DACH2: variants seen among roughly 807,000 people sequenced by gnomAD.
DACH2 encodes dachshund homolog 2.
In DACH2, 17 loss-of-function variants were observed where a neutral mutation model predicts 35.8. The ratio of observed to expected loss-of-function variants is 0.48; its 90% confidence interval spans 0.33 to 0.71. DACH2 has a LOEUF of 0.71. Ranked by LOEUF, DACH2 falls within the 30% of genes least tolerant of loss-of-function variation. The pLI, the probability that DACH2 is intolerant of heterozygous loss-of-function variation, is 0.02. For synonymous variants in DACH2, 195 were observed against 177.3 expected (o/e 1.10, Z -0.79); for missense variants, 469 against 472.7 (o/e 0.99, Z 0.07).
At chrX:86,456,365 T>G (rs1340679530) in intron 2 of DACH2, among the ~76,000 whole-genome samples, 2 of 112,031 alleles carry the variant, frequency 1.8e-5, no homozygotes, top group African/African-American at 6.5e-5. Context: ...TAATTTTTAA[T>G]TATTCTTTAG....
At chrX:86,207,624 G>C (rs1229817429) in intron 1 of DACH2, among the ~76,000 whole-genome samples, 1 of 111,208 alleles carries the variant, frequency 9.0e-6, no homozygotes, top group Admixed American at 9.6e-5. Context: ...TCTGACAGAA[G>C]ACAGTAATGA....
chrX:86,582,202 C>T (rs186166663), intron 3 of DACH2, among the ~76,000 whole-genome samples: 132 of 110,869 alleles, frequency 1.2e-3, no homozygotes, highest in African/African-American at 4.0e-3. Flanking sequence ...GAAATAGCTA[C>T]AGGAGTGTTA....
At chrX:86,628,974 T>G (rs1462136878) in intron 3 of DACH2, among the ~76,000 whole-genome samples, 1 of 112,487 alleles carries the variant, frequency 8.9e-6, no homozygotes, top group Non-Finnish European at 1.9e-5. Flanking sequence ...AAGTTAGCAC[T>G]ACAATTTAAT....
chrX:86,173,335 T>C (rs754500779), intron 1 of DACH2, among the ~76,000 whole-genome samples: 25 of 111,511 alleles, frequency 2.2e-4, no homozygotes, highest in Non-Finnish European at 4.0e-4. Flanking sequence ...CATACCAAAG[T>C]AGGAAATTAT....
intron 7 of DACH2, among the ~76,000 whole-genome samples, chrX:86,757,367 AGGCTAATGCT>A (rs2041839448): frequency 9.0e-6 from 1 of 111,623 alleles, no homozygotes; most frequent in African/African-American, 3.3e-5. Flanking sequence ...TTTTGGTATC[AGGCTAATGCT>A]GGCTTTGTAG....
intron 1 of DACH2, among the ~76,000 whole-genome samples, chrX:86,284,643 C>T (rs1399887450): frequency 2.5e-5 from 2 of 78,437 alleles, no homozygotes; most frequent in East Asian, 7.7e-4. Flanking sequence ...CATTCTTCCT[C>T]CCCTATTTTT....
At chrX:86,568,146 G>T (rs2039316501) in intron 3 of DACH2, among the ~76,000 whole-genome samples, 1 of 111,267 alleles carries the variant, frequency 9.0e-6, no homozygotes, top group Non-Finnish European at 1.9e-5. Flanking sequence ...GGGAATGAGG[G>T]ATTAATAGGA....
intron 2 of DACH2, among the ~76,000 whole-genome samples, chrX:86,382,747 T>A (rs1239599854): frequency 9.0e-6 from 1 of 110,888 alleles, no homozygotes; most frequent in African/African-American, 3.3e-5. Context: ...TGAATTGACC[T>A]CCTACAGAGT....
Position 86,756,708 on chromosome X carries a change from A to G in DACH2, c.1240+16826A>G, listed in dbSNP as rs149616491. Among the ~76,000 whole-genome samples, 851 of 110,709 alleles carry G rather than the reference A, an allele frequency of 7.7e-3. 9 individuals are homozygous for G. The highest frequency in any genetic ancestry group is 0.027 in the African/African-American group (811 of 30,496). On this transcript the variant is annotated intron_variant, in intron 7 of 11. Coordinates refer to ENST00000373125, the MANE Select transcript of DACH2 (RefSeq NM_053281.3). The stretch of plus-strand genomic sequence containing the variant: ...GGATAATTTAACTCCTTCCTTTTCA[A>G]TTTGGATGACTTTTATTTCTTTCTT...
intron 1 of DACH2, among the ~76,000 whole-genome samples, chrX:86,371,069 G>C (rs981120238): frequency 9.0e-6 from 1 of 110,775 alleles, no homozygotes; most frequent in South Asian, 3.8e-4. Flanking sequence ...AACTGCTGAG[G>C]CTCCTCGGAC....
intron 1 of DACH2, among the ~76,000 whole-genome samples, chrX:86,183,104 A>T (rs1221593556): frequency 8.9e-6 from 1 of 111,938 alleles, no homozygotes; most frequent in Admixed American, 9.5e-5. Flanking sequence ...TTCTAAATGT[A>T]CAATCATGTC....
chrX:86,633,416 C>T (rs978518719), intron 3 of DACH2, among the ~76,000 whole-genome samples: 1 of 111,189 alleles, frequency 9.0e-6, no homozygotes, highest in Non-Finnish European at 1.9e-5. Flanking sequence ...AAATGCTGGA[C>T]AGACCAATAA....
chrX:86,535,755 C>T (rs1338796835), intron 3 of DACH2, among the ~76,000 whole-genome samples: 1 of 110,635 alleles, frequency 9.0e-6, no homozygotes, highest in Admixed American at 9.7e-5. Flanking sequence ...CAGTACAAAG[C>T]TTCCACAGCC....
At chrX:86,667,545 G>GAAAGAAAGAAAGAAGAAAGAAAGA (rs1556364144) in intron 4 of DACH2, among the ~76,000 whole-genome samples, 2 of 31,362 alleles carry the variant, frequency 6.4e-5, no homozygotes, top group East Asian at 2.2e-3. Context: ...AAGAAAGAAA[G>GAAAGAAAGAAAGAAGAAAGAAAGA]AAGAAAGAAA....
At chrX:86,695,529 A>C (rs2369238) in intron 5 of DACH2, among the ~76,000 whole-genome samples, 54 of 101,944 alleles carry the variant, frequency 5.3e-4, no homozygotes, top group African/African-American at 1.9e-3. Flanking sequence ...TTTTTTTTTT[A>C]AATGGAGTTT....
chrX:86,149,190 T>A, intron 1 of DACH2, 82 bp downstream of exon 1: 1 of 1,057,611 alleles, frequency 9.5e-7, no homozygotes, highest in Non-Finnish European at 1.2e-6. Flanking sequence ...CATCCAACTT[T>A]GTTTGTAGAG....
intron 3 of DACH2, among the ~76,000 whole-genome samples, chrX:86,522,269 C>A (rs1310189389): frequency 1.8e-5 from 2 of 111,111 alleles, no homozygotes; most frequent in Non-Finnish European, 3.8e-5. Flanking sequence ...TGAATATGTG[C>A]ACAAATGTAG....
chrX:86,463,692 A>C (rs944658429), intron 2 of DACH2, among the ~76,000 whole-genome samples: 5 of 111,822 alleles, frequency 4.5e-5, no homozygotes, highest in African/African-American at 1.6e-4. Flanking sequence ...AGTCAAACTA[A>C]AGAGCTTCTG....
chrX:86,424,423 A>C (rs2036858296), intron 2 of DACH2, among the ~76,000 whole-genome samples: 1 of 110,581 alleles, frequency 9.0e-6, no homozygotes, highest in African/African-American at 3.3e-5. Context: ...ATTTCTAGCT[A>C]TTTAAATTTA....
Sources: allele counts gnomAD v4.1 joint callset (sites outside exome capture counted in the v4.1 genomes callset), GRCh38; gene constraint gnomAD v4.1.1; transcripts MANE v1.5; gene names NCBI Gene and HGNC (gene_info 2026-07-23, HGNC 2026-07-21).